The following PTPRK variants were observed in gnomAD, a reference collection of about 807,000 sequenced individuals.
PTPRK encodes the protein receptor-type tyrosine-protein phosphatase kappa.
PTPRK carries 75 observed loss-of-function variants against 178.0 expected under a neutral mutation model. That is an observed-to-expected ratio of 0.42 (90% confidence interval 0.35 to 0.51). PTPRK has a LOEUF of 0.51. PTPRK is among the 20% of genes least tolerant of loss of function. The probability of loss-of-function intolerance (pLI) is 0.02; values close to 1 mark genes in which losing one functional copy is unlikely to be tolerated. For synonymous variants in PTPRK, 637 were observed against 620.6 expected (o/e 1.03, Z -0.39); for missense variants, 1,441 against 1,797.8 (o/e 0.80, Z 3.59).
chr6:128,332,399 T>C (rs1830391356), intron 2 of PTPRK, among the ~76,000 whole-genome samples: 1 of 152,196 alleles, frequency 6.6e-6, no homozygotes, highest in Non-Finnish European at 1.5e-5. Flanking sequence ...GGGCAAATAA[T>C]TTAACCCCTC....
At chr6:128,160,981 C>T (rs563765385) in intron 7 of PTPRK, among the ~76,000 whole-genome samples, 1 of 151,482 alleles carries the variant, frequency 6.6e-6, no homozygotes, top group South Asian at 2.1e-4. Flanking sequence ...TCCATCTGCT[C>T]AAGATGATGT....
chr6:128,321,511 T>C, intron 3 of PTPRK: 1 of 338,616 alleles, frequency 3.0e-6, no homozygotes, highest in Non-Finnish European at 5.3e-6. Flanking sequence ...TTTTTATATG[T>C]CATTTAATTT....
chr6:128,223,053 C>A (rs1272170915), intron 5 of PTPRK, among the ~76,000 whole-genome samples: 1 of 152,050 alleles, frequency 6.6e-6, no homozygotes, highest in Non-Finnish European at 1.5e-5. Flanking sequence ...TATTAACTGA[C>A]TTTTCTATCT....
chr6:128,241,267 T>A (rs547105457), intron 4 of PTPRK: 6 of 533,384 alleles, frequency 1.1e-5, no homozygotes, highest in South Asian at 8.4e-5. Flanking sequence ...AGTTAGAACA[T>A]GAACTAAAGC....
At position 127,983,404 on chromosome 6, in the gene PTPRK, T is replaced by C. The variant is rs372216681; in HGVS notation, c.3252-27A>G. The C allele has an allele frequency of 2.0e-5, 32 of 1,609,046 alleles. No homozygotes were observed. In the African/African-American group the frequency reaches 4.0e-4, roughly 20 times the overall value. On this transcript the variant is annotated intron_variant, in intron 22 of 29. Coordinates refer to ENST00000368226, the MANE Select transcript of PTPRK (RefSeq NM_002844.4). The stretch of plus-strand genomic sequence containing the variant: ...TGAAAAACAATTAAATTTAATGAAT[T>C]GTAAGAAGCATGTTAGTCTTCATAA...
intron 7 of PTPRK, among the ~76,000 whole-genome samples, chr6:128,125,658 G>A (rs532622335): frequency 7.1e-5 from 9 of 126,142 alleles, no homozygotes; most frequent in Non-Finnish European, 1.4e-4. Flanking sequence ...CCCTTAGGCT[G>A]GAGTGCAGTA....
chr6:128,343,870 C>T (rs1410690431), intron 2 of PTPRK, among the ~76,000 whole-genome samples: 1 of 152,162 alleles, frequency 6.6e-6, no homozygotes, highest in Non-Finnish European at 1.5e-5. Context: ...GAAACATCTG[C>T]AATTTTGTAT....
intron 1 of PTPRK, among the ~76,000 whole-genome samples, chr6:128,412,537 G>T (rs1842421529): frequency 6.6e-6 from 1 of 152,194 alleles, no homozygotes; most frequent in African/African-American, 2.4e-5. Context: ...AACTTCAGGA[G>T]AAAGCCAACA....
chr6:128,487,829 C>G (rs571237482), intron 1 of PTPRK, among the ~76,000 whole-genome samples: 1 of 152,102 alleles, frequency 6.6e-6, no homozygotes, highest in African/African-American at 2.4e-5. Flanking sequence ...GTAATAGGAG[C>G]GGTCAGATGA....
At chr6:128,495,727 T>A (rs1854557604) in intron 1 of PTPRK, among the ~76,000 whole-genome samples, 1 of 152,220 alleles carries the variant, frequency 6.6e-6, no homozygotes, top group Admixed American at 6.5e-5. Context: ...TTTGATCATG[T>A]CTTTTCCTTT....
intron 7 of PTPRK, among the ~76,000 whole-genome samples, chr6:128,140,309 G>C (rs1004935789): frequency 6.6e-6 from 1 of 151,884 alleles, no homozygotes; most frequent in African/African-American, 2.4e-5. Context: ...TGTACAAGTG[G>C]CCTTTGAAAA....
At chr6:128,261,349 A>AT (rs1227581592) in intron 3 of PTPRK, among the ~76,000 whole-genome samples, 3 of 152,218 alleles carry the variant, frequency 2.0e-5, no homozygotes, top group South Asian at 2.1e-4. Context: ...TAAAAACACT[A>AT]TAACAAAAAA....
chr6:128,196,220 C>G (rs552537378), intron 6 of PTPRK, among the ~76,000 whole-genome samples: 2 of 151,718 alleles, frequency 1.3e-5, no homozygotes, highest in East Asian at 3.9e-4. Context: ...AATATGGTTA[C>G]TATAAGGACT....
chr6:128,213,963 T>G (rs1293333960), intron 6 of PTPRK, among the ~76,000 whole-genome samples: 1 of 152,132 alleles, frequency 6.6e-6, no homozygotes, highest in Non-Finnish European at 1.5e-5. Flanking sequence ...TGACTCCATC[T>G]GTAGGTGAGA....
chr6:127,992,940 G>A (rs1242483213), intron 18 of PTPRK, among the ~76,000 whole-genome samples: 2 of 151,524 alleles, frequency 1.3e-5, no homozygotes, highest in East Asian at 3.9e-4. Flanking sequence ...TTGTATAATT[G>A]ATTTTTGTTT....
At chr6:128,193,846 T>A (rs9398864) in intron 6 of PTPRK, among the ~76,000 whole-genome samples, 1 of 151,984 alleles carries the variant, frequency 6.6e-6, no homozygotes, top group East Asian at 1.9e-4. Flanking sequence ...GCATACTGTT[T>A]TAGATGTCAG....
chr6:127,993,250 T>C (rs1448889530), intron 18 of PTPRK, among the ~76,000 whole-genome samples: 1 of 151,786 alleles, frequency 6.6e-6, no homozygotes, highest in Non-Finnish European at 1.5e-5. Flanking sequence ...GCAAAAACTA[T>C]TTTGTGCGTG....
At chr6:128,052,930 T>C (rs1779270486) in intron 13 of PTPRK, among the ~76,000 whole-genome samples, 1 of 152,196 alleles carries the variant, frequency 6.6e-6, no homozygotes, top group Admixed American at 6.5e-5. Context: ...CCTCTTGCTA[T>C]GCCCTCATTA....
intron 2 of PTPRK, among the ~76,000 whole-genome samples, chr6:128,359,014 G>C (rs986985253): frequency 2.0e-5 from 3 of 152,190 alleles, no homozygotes; most frequent in Non-Finnish European, 4.4e-5. Flanking sequence ...ATGACAGCCA[G>C]TTAAATAGGA....
Sources: gnomAD v4.1 joint callset for allele counts (sites outside exome capture counted in the v4.1 genomes callset) on GRCh38, gnomAD v4.1.1 for gene constraint, MANE v1.5 for transcripts, NCBI Gene and HGNC (gene_info 2026-07-23, HGNC 2026-07-21) for gene names.